NRXN1: variants seen among roughly 807,000 people sequenced by gnomAD.
The protein encoded by NRXN1 is neurexin 1.
Under a neutral mutation model 150.9 loss-of-function variants are expected in NRXN1, and 39 were observed. The ratio of observed to expected loss-of-function variants is 0.26; its 90% CI spans 0.20 to 0.34. NRXN1 has a LOEUF of 0.34. NRXN1 is among the 10% of genes least tolerant of loss of function. The pLI, the probability that NRXN1 is intolerant of heterozygous loss-of-function variation, is 1.00. For missense variants in NRXN1, 1,815 were observed against 1,949.9 expected, an observed-to-expected ratio of 0.93 and a Z score of 1.30; for synonymous variants, 924 against 757.0, an observed-to-expected ratio of 1.22 and a Z score of -3.62.
chr2:50,371,896 T>C lies in NRXN1; in HGVS notation c.3364+93546A>G, dbSNP rs2080056179. Among the ~76,000 whole-genome samples, 3 of 152,196 alleles carry C rather than the reference T, an allele frequency of 2.0e-5. No homozygotes were observed. In the East Asian group the frequency reaches 5.8e-4, roughly 29 times the overall value. ...GATAGCATGCAAACTCTACCTTGTA[T>C]CTTAAGATAATTGATAACCAACCAC... On this transcript the variant is annotated intron_variant, in intron 17 of 22. Coordinates refer to ENST00000401669, the MANE Select transcript of NRXN1 (RefSeq NM_001330078.2).
At chr2:50,576,419 A>G (rs2105492568) in intron 8 of NRXN1, among the ~76,000 whole-genome samples, 1 of 152,142 alleles carries the variant, frequency 6.6e-6, no homozygotes, top group Non-Finnish European at 1.5e-5. Flanking sequence ...ATTCCTTTTT[A>G]TAGTTGCATT....
intron 5 of NRXN1, among the ~76,000 whole-genome samples, chr2:50,816,244 T>A (rs1328951339): frequency 6.6e-6 from 1 of 152,054 alleles, no homozygotes; most frequent in Non-Finnish European, 1.5e-5. Context: ...GATGAACGCT[T>A]TGGGAGGGTG....
intron 5 of NRXN1, among the ~76,000 whole-genome samples, chr2:50,649,434 G>T (rs756943645): frequency 1.3e-5 from 2 of 151,988 alleles, no homozygotes; most frequent in Non-Finnish European, 2.9e-5. Context: ...AAACTCTGTA[G>T]CTCCCAAAAC....
intron 12 of NRXN1, among the ~76,000 whole-genome samples, chr2:50,509,640 T>C: frequency 6.6e-6 from 1 of 152,244 alleles, no homozygotes; most frequent in East Asian, 1.9e-4. Context: ...ATGGTTTAAC[T>C]GTTGAAATTT....
chr2:50,949,766 C>A (rs1331971666), intron 2 of NRXN1, among the ~76,000 whole-genome samples: 2 of 152,104 alleles, frequency 1.3e-5, no homozygotes, highest in African/African-American at 4.8e-5. Flanking sequence ...CTTTTACCGG[C>A]ACAGCCAGAA....
At position 50,471,281 on chromosome 2, in the gene NRXN1, A is replaced by C. The variant is rs902820216; in HGVS notation, c.3244+1017T>G. 1.1e-4 allele frequency among the ~76,000 whole-genome samples: 17 copies of C among 151,552 alleles called. No homozygotes were observed. The East Asian group carries it at 3.3e-3, about 30-fold the overall frequency. ...CACGATTCCAGCTTGTGAGCCTCCA[A>C]TGTCCCTTATACCATGCTGTATGCT... On this transcript the variant is annotated intron_variant, in intron 16 of 22. Transcript: ENST00000401669.
intron 2 of NRXN1, among the ~76,000 whole-genome samples, chr2:50,990,317 G>T (rs79067127): frequency 6.6e-6 from 1 of 151,910 alleles, no homozygotes; most frequent in East Asian, 1.9e-4. Flanking sequence ...TTTTAAGAAG[G>T]TAAAAACTTA....
chr2:50,205,223 G>GA (rs2062479563), intron 18 of NRXN1, among the ~76,000 whole-genome samples: 1 of 152,034 alleles, frequency 6.6e-6, no homozygotes, highest in African/African-American at 2.4e-5. Context: ...GAGCACTCAT[G>GA]AAAAACTTTG....
chr2:50,021,668 C>G (rs933787822), intron 21 of NRXN1, among the ~76,000 whole-genome samples: 1 of 152,032 alleles, frequency 6.6e-6, no homozygotes, highest in Non-Finnish European at 1.5e-5. Flanking sequence ...TCTTTCTAGA[C>G]GTTAGAATTT....
At chr2:50,800,175 A>G (rs1013908911) in intron 5 of NRXN1, among the ~76,000 whole-genome samples, 1 of 152,114 alleles carries the variant, frequency 6.6e-6, no homozygotes, top group African/African-American at 2.4e-5. Context: ...GCTTATACTG[A>G]GTTCAAAGGT....
chr2:50,974,254 C>G (rs1218431698), intron 2 of NRXN1, among the ~76,000 whole-genome samples: 1 of 152,114 alleles, frequency 6.6e-6, no homozygotes, highest in East Asian at 1.9e-4. Flanking sequence ...GACCAGGGAT[C>G]AGAAATGAGC....
intron 18 of NRXN1, among the ~76,000 whole-genome samples, chr2:50,098,996 C>G (rs61092631): frequency 0.022 from 3,375 of 151,552 alleles, 127 homozygotes; most frequent in African/African-American, 0.077. Flanking sequence ...TAAAAAACAG[C>G]CTTTTCATTT....
chr2:49,978,936 A>C (rs1177567376), intron 21 of NRXN1, among the ~76,000 whole-genome samples: 2 of 152,216 alleles, frequency 1.3e-5, no homozygotes, highest in African/African-American at 2.4e-5. Context: ...CAAAGCAATC[A>C]GTGAACCTGA....
intron 8 of NRXN1, among the ~76,000 whole-genome samples, chr2:50,588,502 C>T (rs1163507779): frequency 6.6e-6 from 1 of 152,096 alleles, no homozygotes; most frequent in Non-Finnish European, 1.5e-5. Flanking sequence ...GAATGTCTGA[C>T]TCCTCCGACT....
intron 5 of NRXN1, among the ~76,000 whole-genome samples, chr2:50,811,019 A>G (rs187645986): frequency 8.5e-5 from 13 of 152,306 alleles, no homozygotes; most frequent in Non-Finnish European, 5.9e-5. Context: ...ATATTCATAA[A>G]GAAAAGTGTA....
chr2:50,381,211 G>C (rs2080934421), intron 17 of NRXN1, among the ~76,000 whole-genome samples: 1 of 150,384 alleles, frequency 6.6e-6, no homozygotes, highest in African/African-American at 2.5e-5. Context: ...ACAAGACAAA[G>C]TTTCATATAC....
At chr2:50,121,220 G>T (rs538952666) in intron 18 of NRXN1, among the ~76,000 whole-genome samples, 1 of 151,940 alleles carries the variant, frequency 6.6e-6, no homozygotes, top group Non-Finnish European at 1.5e-5. Context: ...ACCGGGTTTC[G>T]CCATGTTGGC....
intron 21 of NRXN1, among the ~76,000 whole-genome samples, chr2:49,962,821 C>A (rs1676223724): frequency 6.6e-6 from 1 of 152,012 alleles, no homozygotes; most frequent in African/African-American, 2.4e-5. Context: ...GGGGTGGTGG[C>A]ATGCACCTGT....
chr2:50,604,539 C>A (rs1435155227), intron 8 of NRXN1, among the ~76,000 whole-genome samples: 3 of 152,154 alleles, frequency 2.0e-5, no homozygotes, highest in Admixed American at 2.0e-4. Flanking sequence ...CAGATATACC[C>A]TAAACACATC....
Sources: gnomAD v4.1 joint callset for allele counts (sites outside exome capture counted in the v4.1 genomes callset) on GRCh38, gnomAD v4.1.1 for gene constraint, MANE v1.5 for transcripts, NCBI Gene and HGNC (gene_info 2026-07-23, HGNC 2026-07-21) for gene names.